PNKP: variants seen among roughly 807,000 people sequenced by gnomAD.
PNKP encodes bifunctional polynucleotide phosphatase/kinase.
In PNKP, 82 loss-of-function variants were observed where a neutral mutation model predicts 66.2. That is an observed-to-expected ratio of 1.24 (90% confidence interval 1.04 to 1.49). PNKP has a LOEUF of 1.49. Among genes scored for constraint, PNKP ranks in the 40% most tolerant of loss-of-function variants. The pLI is 0.00. For synonymous variants in PNKP, 412 were observed against 298.9 expected (o/e 1.38, Z -3.90); for missense variants, 907 against 706.8 (o/e 1.28, Z -3.21).
Position 49,864,330 on chromosome 19 carries a change from T to A in PNKP, c.572A>T (p.Asp191Val). 1 of 1,613,736 alleles carries A rather than the reference T, an allele frequency of 6.2e-7. No homozygotes were observed. The highest frequency in any genetic ancestry group is 1.3e-5 in the African/African-American group (1 of 75,028). ...SGKVFPTGPS[D>V]WRILYPEIPR... ...TTGTTTTGCCTCTTATCACCTCCAG[T>A]CACTGGGGCCAGTGGGAAAGACCTT... Residue 191 changes from aspartate to valine, a missense_variant, in exon 5 of 17, where the codon GAC (aspartate) becomes GTC (valine). By Grantham distance (152) the Asp-to-Val change is radical. Transcript: ENST00000322344.
At position 49,861,789 on chromosome 19, in the gene PNKP, G is replaced by C; in HGVS notation, c.1281C>G (p.Asp427Glu). The C allele has an allele frequency of 4.5e-6, 7 of 1,566,746 alleles. No individual in the cohort carries two copies. Among genetic ancestry groups the C allele is most frequent in the Non-Finnish European group, 6.0e-6 (7 of 1,159,816 alleles). ...KRVAIDNTNP[D>E]AASRARYVQC... is the part of the protein sequence containing the mutation. Reference sequence around the variant, plus strand: ...CACGCTACCTGGCGCGGCTCGCGGCGTCTGGGTTTGTGTTGTCGATGGCGA... The same window carrying C: ...CACGCTACCTGGCGCGGCTCGCGGCCTCTGGGTTTGTGTTGTCGATGGCGA... Residue 427 changes from aspartate (D) to glutamate (E), a missense_variant, in exon 14 of 17, where the codon GAC (aspartate) becomes GAG (glutamate). Physicochemically the swap from Asp to Glu is conservative, Grantham distance 45. Coordinates refer to ENST00000322344, the MANE Select transcript of PNKP (RefSeq NM_007254.4).
Position 49,862,088 on chromosome 19 carries a change from G to C in PNKP, c.1144C>G (p.Leu382Val), listed in dbSNP as rs754921430. 2 of 1,614,196 alleles carry C rather than the reference G, an allele frequency of 1.2e-6. No homozygotes were observed. The highest frequency in any genetic ancestry group is 1.7e-6 in the Non-Finnish European group (2 of 1,180,026). Residue 382 changes from leucine to valine, a missense_variant, in exon 13 of 17, where the codon CTC becomes GTC. Physicochemically the swap from Leu to Val is conservative, Grantham distance 32. Coordinates refer to ENST00000322344, the MANE Select transcript of PNKP (RefSeq NM_007254.4). ...GFPGAGKSTF[L>V]KKHLVSAGYV... Reference sequence around the variant, plus strand: ...CCGGCCGACACGAGGTGCTTCTTGAGAAAGGTGGACTTCCCGGCTGTGTGG... The same window carrying C: ...CCGGCCGACACGAGGTGCTTCTTGACAAAGGTGGACTTCCCGGCTGTGTGG...
Position 49,862,451 on chromosome 19 carries a change from G to T in PNKP, c.949C>A (p.Leu317Ile), listed in dbSNP as rs1435440365. The T allele has an allele frequency of 6.3e-7, 1 of 1,590,152 alleles. No homozygotes were observed. The highest frequency in any genetic ancestry group is 2.3e-5 in the East Asian group (1 of 43,738). Residue 317 changes from leucine (L) to isoleucine (I), a missense_variant, in exon 11 of 17, where the codon CTT (leucine) becomes ATT (isoleucine). Coordinates refer to ENST00000322344, the MANE Select transcript of PNKP (RefSeq NM_007254.4). ...TCAGGCGTGGCGAAGGGCAGGCCAA[G>T]GTTGAGGGCAAACTAGGGGTTGAGG... ...SCADRLFALN[L>I]GLPFATPEEF...
intron 4 of PNKP, 46 bp downstream of exon 4, chr19:49,865,081 G>C: frequency 6.4e-7 from 1 of 1,555,084 alleles, no homozygotes; most frequent in Non-Finnish European, 8.9e-7. Flanking sequence ...CGTGGGATTG[G>C]GTCCCAGTCT....
At chr19:49,866,291 C>T (rs1350893547) in intron 3 of PNKP, 108 bp downstream of exon 3, 3 of 1,067,016 alleles carry the variant, frequency 2.8e-6, no homozygotes, top group Non-Finnish European at 4.4e-6. Flanking sequence ...TGAGCCACCA[C>T]GCCCGGCCCC....
In PNKP at chr19:49,866,382, TG is replaced by T. The variant is rs2074820703; in HGVS notation, c.198+16del. 1.2e-6 allele frequency: 2 copies of T among 1,611,856 alleles called. No individual in the cohort carries two copies. Among genetic ancestry groups the T allele is most frequent in the African/African-American group, 2.7e-5 (2 of 74,872 alleles). On this transcript the variant is annotated intron_variant, in intron 3 of 16. Transcript: ENST00000322344. ...CCCATCCCCAGGCCTTGCTGGCCCT[TG>T]CAGAGGCACTGATACCTGTTTCACT...
chr19:49,867,254 C>T, intron 1 of PNKP, 37 bp from the exon 2 acceptor site: 1 of 1,557,100 alleles, frequency 6.4e-7, no homozygotes, highest in South Asian at 1.1e-5. Context: ...CGGCGCACAG[C>T]CCCAATTTGC....
intron 3 of PNKP, chr19:49,866,038 G>T: frequency 5.6e-6 from 2 of 356,432 alleles, no homozygotes; most frequent in South Asian, 5.0e-5. Context: ...TTTGAGACAG[G>T]TTCTCGCTCT....
At chr19:49,864,258 A>G in intron 5 of PNKP, 22 bp from the exon 6 acceptor site, 1 of 1,613,954 alleles carries the variant, frequency 6.2e-7, no homozygotes, top group South Asian at 1.1e-5. Context: ...ATGAAGCGGC[A>G]GGGGTGACCC....
chr19:49,863,408 C>T (rs560610911), intron 8 of PNKP, among the ~76,000 whole-genome samples: 3 of 152,258 alleles, frequency 2.0e-5, no homozygotes, highest in East Asian at 1.9e-4. Context: ...CAGGCCGTCC[C>T]GCTCACTGAT....
intron 3 of PNKP, 80 bp from the exon 4 acceptor site, chr19:49,865,506 T>A (rs1170191537): frequency 9.9e-7 from 1 of 1,012,534 alleles, no homozygotes; most frequent in Non-Finnish European, 1.5e-6. Flanking sequence ...AGCGGAAAAA[T>A]CAGCCCTTCT....
chr19:49,861,429 C>A lies in PNKP; in HGVS notation c.1448+20G>T, dbSNP rs748135539. On this transcript the variant is annotated intron_variant, in intron 16 of 16. Transcript: ENST00000322344. ...TGTGGCCCAGCCAGTGCCCCTGCCC[C>A]CTGCTATCCCCAACAGTACCTGTAG... 1 of 1,614,132 alleles carries A rather than the reference C, an allele frequency of 6.2e-7. No individual in the cohort carries two copies. Among genetic ancestry groups the A allele is most frequent in the Non-Finnish European group, 8.5e-7 (1 of 1,179,968 alleles).
rs763018324 is a variant in PNKP at position 49,861,466 on chromosome 19, C to T, written c.1431G>A (p.Met477Ile). The T allele has an allele frequency of 1.9e-6, 3 of 1,613,660 alleles. No homozygotes were observed. The highest frequency in any genetic ancestry group is 2.2e-5 in the East Asian group (1 of 44,854). ...AACAGTACCTGTAGCCATACATGACCATGTCTGACACGGGGATATGAGAGG... is the reference window on the plus strand; with the variant it reads ...AACAGTACCTGTAGCCATACATGACTATGTCTGACACGGGGATATGAGAGG... ...TDSSHIPVSD[M>I]VMYGYRKQFE... Residue 477 changes from methionine to isoleucine, a missense_variant, in exon 16 of 17, where the codon ATG (methionine) becomes ATA (isoleucine). By Grantham distance (10) the Met-to-Ile change is conservative (BLOSUM62 1). Transcript: ENST00000322344.
rs1351594110 is a variant in PNKP at position 49,861,673 on chromosome 19, C to A, written c.1321G>T (p.Ala441Ser). 1.3e-6 allele frequency: 2 copies of A among 1,547,626 alleles called. No individual in the cohort carries two copies. Among genetic ancestry groups the A allele is most frequent in the Admixed American group, 2.0e-5 (1 of 50,976 alleles). Reference protein sequence around the residue: ...RARYVQCARAAGVPCRCFLFT... With the variant: ...RARYVQCARASGVPCRCFLFT... Reference sequence around the variant, plus strand: ...AGGAAGCAGCGGCAGGGGACGCCCGCGGCTCGGGCACACTGGACGTACCTG... The same window carrying A: ...AGGAAGCAGCGGCAGGGGACGCCCGAGGCTCGGGCACACTGGACGTACCTG... Residue 441 changes from alanine to serine, a missense_variant, in exon 15 of 17, where the codon GCG (alanine) becomes TCG (serine). Ala to Ser is a moderately conservative substitution (Grantham distance 99, BLOSUM62 1). Transcript: ENST00000322344.
chr19:49,862,717 ATATGGGCGTGCCGTCG>A lies in PNKP; in HGVS notation c.822_837del (p.Asp275ProfsTer82). The A allele has an allele frequency of 6.2e-7, 1 of 1,614,058 alleles. No individual in the cohort carries two copies. The highest frequency in any genetic ancestry group is 8.5e-7 in the Non-Finnish European group (1 of 1,179,974). ...CCCACAAAGATGCTGTCCCCGATGGATATGGGCGTGCCGTCGTTGGCCTACGGGAGACGGTAGTGAG... is the reference window on the plus strand; with the variant it reads ...CCCACAAAGATGCTGTCCCCGATGGATTGGCCTACGGGAGACGGTAGTGAG... On this transcript the variant is annotated frameshift_variant, in exon 9 of 17. Coordinates refer to ENST00000322344, the MANE Select transcript of PNKP (RefSeq NM_007254.4). LOFTEE classifies it high-confidence loss of function.
rs1476235525 is a variant in PNKP, at chr19:49,865,136, G to A, written c.489C>T (p.Pro163=). The A allele has an allele frequency of 6.2e-7, 1 of 1,613,718 alleles. No individual in the cohort carries two copies. Among genetic ancestry groups the A allele is most frequent in the African/African-American group, 1.3e-5 (1 of 74,932 alleles). The change falls in exon 4 of 17, where the codon CCC becomes CCT. Residue 163 remains proline (P), a synonymous_variant. Coordinates refer to ENST00000322344, the MANE Select transcript of PNKP (RefSeq NM_007254.4). ...LLVFTAAGVK[P]QGKVAGFDLD... is the part of the protein sequence containing the mutation. ...TCGGCGTGGCCCTCACCTTGCCCTG[G>A]GGTTTCACCCCAGCTGCGGTGAACA...
rs1428294252 is a variant in PNKP at position 49,865,131 on chromosome 19, C to T, written c.494G>A (p.Gly165Asp). The T allele has an allele frequency of 1.2e-6, 2 of 1,613,578 alleles. No homozygotes were observed. The highest frequency in any genetic ancestry group is 1.1e-5 in the South Asian group (1 of 91,086). Reference protein sequence around the residue: ...VFTAAGVKPQGKVAGFDLDGT... With the variant: ...VFTAAGVKPQDKVAGFDLDGT... ...AGCCCTCGGCGTGGCCCTCACCTTG[C>T]CCTGGGGTTTCACCCCAGCTGCGGT... Residue 165 changes from glycine to aspartate, a missense_variant, in exon 4 of 17, where the codon GGC (glycine) becomes GAC (aspartate). By Grantham distance (94) the Gly-to-Asp change is moderately conservative. Transcript: ENST00000322344.
At position 49,861,381 on chromosome 19, in the gene PNKP, A is replaced by C. The variant is rs1329475272; in HGVS notation, c.1449-16T>G. 2.5e-6 allele frequency: 4 copies of C among 1,613,700 alleles called. No homozygotes were observed. The highest frequency in any genetic ancestry group is 1.7e-5 in the Admixed American group (1 of 60,024). On this transcript the variant is annotated splice_polypyrimidine_tract_variant and intron_variant, in intron 16 of 16. Transcript: ENST00000322344. ...GAACTGCTTCCTGGCAGTGGTGGGAACAGTGAGGGACAGCCTGGATCATGT... is the reference window on the plus strand; with the variant it reads ...GAACTGCTTCCTGGCAGTGGTGGGACCAGTGAGGGACAGCCTGGATCATGT...
chr19:49,861,936 C>T (rs937360079), intron 13 of PNKP, 55 bp from the exon 14 acceptor site: 2 of 1,581,596 alleles, frequency 1.3e-6, no homozygotes, highest in South Asian at 1.1e-5. Flanking sequence ...AGAGAAGACC[C>T]CGAGCGGGGA....
Sources: allele counts gnomAD v4.1 joint callset (sites outside exome capture counted in the v4.1 genomes callset), GRCh38; gene constraint gnomAD v4.1.1; transcripts MANE v1.5; gene names NCBI Gene and HGNC (gene_info 2026-07-23, HGNC 2026-07-21).